PLEKHG4B: variants seen among roughly 807,000 people sequenced by gnomAD.
PLEKHG4B encodes the protein pleckstrin homology and RhoGEF domain containing G4B.
PLEKHG4B carries 111 observed loss-of-function variants against 121.3 expected under a neutral mutation model. That is an observed-to-expected ratio of 0.92 (90% CI 0.78 to 1.07). PLEKHG4B has a LOEUF of 1.07. Ranked by LOEUF, PLEKHG4B falls within the 50% of genes least tolerant of loss-of-function variation. The probability of loss-of-function intolerance (pLI) is 0.00; values close to 1 mark genes in which losing one functional copy is unlikely to be tolerated. For missense variants in PLEKHG4B, 1,831 were observed against 1,757.8 expected, an observed-to-expected ratio of 1.04 and a Z score of -0.74; for synonymous variants, 738 against 725.0, an observed-to-expected ratio of 1.02 and a Z score of -0.29.
At chr5:96,588 GA>G (rs1157742961) in intron 1 of PLEKHG4B, among the ~76,000 whole-genome samples, 5 of 152,170 alleles carry the variant, frequency 3.3e-5, no homozygotes, top group African/African-American at 1.2e-4. Context: ...GGATTGTTGA[GA>G]AAGATTAAAG....
At chr5:165,494 GCT>G (rs1736289228) in intron 13 of PLEKHG4B, among the ~76,000 whole-genome samples, 3 of 59,534 alleles carry the variant, frequency 5.0e-5, no homozygotes, top group Admixed American at 4.8e-4. Flanking sequence ...TCACACTAAT[GCT>G]CTGACGGGGC....
At chr5:171,594 C>G (rs1434450552) in intron 16 of PLEKHG4B, 150 bp downstream of exon 16, 5 of 804,484 alleles carry the variant, frequency 6.2e-6, no homozygotes, top group Non-Finnish European at 9.6e-6. Flanking sequence ...CTTCTGAAGG[C>G]CGCAGCGGGG....
chr5:139,699 ATGTATGGC>A lies in PLEKHG4B; in HGVS notation c.464_471del (p.Tyr155CysfsTer40), dbSNP rs1735091889. On this transcript the variant is annotated frameshift_variant, in exon 3 of 20. Transcript: ENST00000637938. LOFTEE classifies it high-confidence loss of function. The surrounding 1 kb of genome is among the most constrained non-coding windows in gnomAD (Gnocchi z 5.0). ...AGAGGAAGTCACCGTCCCTGAGGCCATGTATGGCTGTGTCTTCACGGGGGCGTTCCTGG... is the reference window on the plus strand; with the variant it reads ...AGAGGAAGTCACCGTCCCTGAGGCCATGTGTCTTCACGGGGGCGTTCCTGG... 1 of 398,806 alleles carries A rather than the reference ATGTATGGC, an allele frequency of 2.5e-6. No individual in the cohort carries two copies. The highest frequency in any genetic ancestry group is 4.4e-6 in the Non-Finnish European group (1 of 226,120). 24.7% of individuals were successfully genotyped at this position (398,806 alleles called of 1,614,324 possible).
chr5:109,995 C>A (rs1248187633), intron 1 of PLEKHG4B, among the ~76,000 whole-genome samples: 2 of 150,894 alleles, frequency 1.3e-5, no homozygotes, highest in Non-Finnish European at 2.9e-5. Context: ...AACACACATG[C>A]ATACACCCAC....
chr5:111,703 C>T (rs979053738), intron 1 of PLEKHG4B, among the ~76,000 whole-genome samples: 5 of 152,144 alleles, frequency 3.3e-5, no homozygotes, highest in African/African-American at 4.8e-5. Flanking sequence ...AGGCCTCTTC[C>T]GGAGATGGCC....
rs1156888059 is a variant in PLEKHG4B at position 157,074 on chromosome 5, A to T, written c.2487+163A>T. The T allele has an allele frequency of 3.7e-6, 4 of 1,087,708 alleles. No individual in the cohort carries two copies. The highest frequency in any genetic ancestry group is 5.4e-6 in the Non-Finnish European group (4 of 746,976). 67.4% of individuals were successfully genotyped at this position (1,087,708 alleles called of 1,614,324 possible). On this transcript the variant is annotated intron_variant, in intron 11 of 19. Transcript: ENST00000637938. The surrounding 1 kb of genome is among the most constrained non-coding windows in gnomAD (Gnocchi z 4.6). ...GGCATGCCTTGCTGCTTGTGTAAAA[A>T]GAAATAAATTTTATTTTTTACGTGA...
At chr5:170,174 C>G (rs2126453244) in intron 14 of PLEKHG4B, among the ~76,000 whole-genome samples, 1 of 152,372 alleles carries the variant, frequency 6.6e-6, no homozygotes, top group Middle Eastern at 3.4e-3. Flanking sequence ...AAGAAACTGA[C>G]AGGCTTTCAA....
At chr5:92,555 C>T (rs1271090083) in intron 1 of PLEKHG4B, among the ~76,000 whole-genome samples, 1 of 139,164 alleles carries the variant, frequency 7.2e-6, no homozygotes, top group Non-Finnish European at 1.6e-5. Context: ...GGAGGGGGCG[C>T]GGGTACCCAG....
chr5:177,998 G>A (rs576498881), intron 18 of PLEKHG4B, among the ~76,000 whole-genome samples: 2 of 151,422 alleles, frequency 1.3e-5, no homozygotes, highest in South Asian at 4.2e-4. Context: ...GTGTGCCTAG[G>A]AAGTTGTAGG....
intron 2 of PLEKHG4B, among the ~76,000 whole-genome samples, chr5:115,715 C>T (rs1382071391): frequency 1.3e-5 from 2 of 152,224 alleles, no homozygotes; most frequent in Non-Finnish European, 2.9e-5. Flanking sequence ...GGCTTCTTTC[C>T]TTAAACCTCA....
rs1304544885 is a variant in PLEKHG4B at position 189,690 on chromosome 5, A to C, written c.*7367A>C. The C allele has an allele frequency of 1.4e-5, 2 of 145,066 alleles. No homozygotes were observed. The highest frequency in any genetic ancestry group is 2.9e-5 in the African/African-American group (1 of 34,724). 9.0% of individuals were successfully genotyped at this position (145,066 alleles called of 1,614,324 possible). On this transcript the variant is annotated 3_prime_UTR_variant, in exon 20 of 20. Transcript: ENST00000637938. ...CAAGAGGACCACCCCTCTCTAAAAG[A>C]AGGGAAAACAGTAAGCGAGAGGGAG...
chr5:99,614 A>C (rs1221578000), intron 1 of PLEKHG4B, among the ~76,000 whole-genome samples: 1 of 152,086 alleles, frequency 6.6e-6, no homozygotes, highest in Non-Finnish European at 1.5e-5. Context: ...GGCAGAATTT[A>C]TTTATTAGCC....
intron 14 of PLEKHG4B, 49 bp downstream of exon 14, chr5:169,641 C>A: frequency 6.2e-7 from 1 of 1,600,398 alleles, no homozygotes; most frequent in Non-Finnish European, 8.5e-7. Context: ...TGGGTGAAGC[C>A]GGTGTCAGAG....
intron 18 of PLEKHG4B, 28 bp downstream of exon 18, chr5:174,126 C>T: frequency 6.6e-7 from 1 of 1,520,572 alleles, no homozygotes; most frequent in Non-Finnish European, 8.8e-7. Context: ...GCAGGGCCTG[C>T]CAGGCTCAGG....
intron 6 of PLEKHG4B, among the ~76,000 whole-genome samples, chr5:145,768 ACCAGGGACAGGGGGGT>A (rs914216203): frequency 7.2e-5 from 11 of 152,120 alleles, no homozygotes; most frequent in African/African-American, 1.4e-4. Flanking sequence ...ATGGGGAGAG[ACCAGGGACAGGGGGGT>A]CCAGGGACAG....
In PLEKHG4B at chr5:156,023, C is replaced by A; in HGVS notation, c.2209-48C>A. On this transcript the variant is annotated intron_variant, in intron 9 of 19. Transcript: ENST00000637938. The surrounding 1 kb of genome is among the most constrained non-coding windows in gnomAD (Gnocchi z 4.4). ...CCACTGTCACACTTGGGAGGACCTG[C>A]CCCTTGGAGGAGGGAGTTAAAGGCT... The A allele has an allele frequency of 6.7e-7, 1 of 1,481,708 alleles. No homozygotes were observed. The highest frequency in any genetic ancestry group is 9.0e-7 in the Non-Finnish European group (1 of 1,104,996). 91.8% of individuals were successfully genotyped at this position (1,481,708 alleles called of 1,614,324 possible).
At position 171,459 on chromosome 5, in the gene PLEKHG4B, C is replaced by T. The variant is rs755623892; in HGVS notation, c.4050+15C>T. On this transcript the variant is annotated intron_variant, in intron 16 of 19. Transcript: ENST00000637938. Reference sequence around the variant, plus strand: ...GCGGCTGTGACGTAAGTGCCTCAGACGCTGGCAGCTCAGGCAAGCTGGGGG... The same window carrying T: ...GCGGCTGTGACGTAAGTGCCTCAGATGCTGGCAGCTCAGGCAAGCTGGGGG... 103 of 1,563,442 alleles carry T rather than the reference C, an allele frequency of 6.6e-5. 1 individual carries two copies. In the East Asian group the frequency reaches 1.8e-3, roughly 27 times the overall value.
In PLEKHG4B at chr5:163,579, A is replaced by T. The variant is rs369588787; in HGVS notation, c.3476+31A>T. Reference sequence around the variant, plus strand: ...GTGGACGTCCCCCTCCTCTCGTCCTAGCAGTCCTTGGGGATCTAGAAACCC... The same window carrying T: ...GTGGACGTCCCCCTCCTCTCGTCCTTGCAGTCCTTGGGGATCTAGAAACCC... On this transcript the variant is annotated intron_variant, in intron 13 of 19. Coordinates refer to ENST00000637938, the MANE Select transcript of PLEKHG4B (RefSeq NM_052909.5). 5.3e-6 allele frequency: 8 copies of T among 1,499,910 alleles called. No homozygotes were observed. In the South Asian group the frequency reaches 1.0e-4, roughly 19 times the overall value. 92.9% of individuals were successfully genotyped at this position (1,499,910 alleles called of 1,614,324 possible).
At chr5:124,726 A>G (rs924454404) in intron 2 of PLEKHG4B, among the ~76,000 whole-genome samples, 1 of 152,000 alleles carries the variant, frequency 6.6e-6, no homozygotes, top group African/African-American at 2.4e-5. Flanking sequence ...CTTGGTTACT[A>G]TTTGTGTGGA....
Sources: gnomAD v4.1 joint callset for allele counts (sites outside exome capture counted in the v4.1 genomes callset) on GRCh38, gnomAD v4.1.1 for gene constraint, Gnocchi (gnomAD v3.1) non-coding constraint, MANE v1.5 for transcripts, NCBI Gene and HGNC (gene_info 2026-07-23, HGNC 2026-07-21) for gene names.